Variants in TP63 observed in about 807,000 individuals in gnomAD.
TP63 encodes tumor protein 63.
A neutral mutation model predicts 82.8 loss-of-function variants in TP63; 17 were observed. The ratio of observed to expected loss-of-function variants is 0.21; its 90% CI spans 0.14 to 0.31. TP63 has a LOEUF of 0.31. TP63 is among the 10% of genes least tolerant of loss of function. The pLI, the probability that TP63 is intolerant of heterozygous loss-of-function variation, is 1.00. For synonymous variants in TP63, 330 were observed against 321.7 expected, an observed-to-expected ratio of 1.03 and a Z score of -0.28; for missense variants, 648 against 895.3, an observed-to-expected ratio of 0.72 and a Z score of 3.52.
the TP63 span, among the ~76,000 whole-genome samples, chr3:189,599,635 G>A: frequency 1.3e-5 from 2 of 152,174 alleles, no homozygotes; most frequent in African/African-American, 4.8e-5. Flanking sequence ...TTTCTTCTAT[G>A]AGCAGTTGTC....
At chr3:189,862,447 A>G (rs958570840) in intron 4 of TP63, among the ~76,000 whole-genome samples, 2 of 152,146 alleles carry the variant, frequency 1.3e-5, no homozygotes, top group African/African-American at 4.8e-5. Flanking sequence ...GATTTATAGT[A>G]TATCAGTTAT....
At chr3:189,819,247 G>A (rs765586401) in intron 4 of TP63, among the ~76,000 whole-genome samples, 3 of 152,002 alleles carry the variant, frequency 2.0e-5, no homozygotes, top group Non-Finnish European at 4.4e-5. Flanking sequence ...TCCCACCCAG[G>A]CTGTGTTGAA....
chr3:189,818,151 A>C (rs1577026958), intron 4 of TP63, among the ~76,000 whole-genome samples: 1 of 151,876 alleles, frequency 6.6e-6, no homozygotes, highest in East Asian at 1.9e-4. Flanking sequence ...ATGTATATAG[A>C]GCCCTGGAGT....
chr3:189,719,392 T>A (rs889497263), intron 1 of TP63, among the ~76,000 whole-genome samples: 1 of 152,204 alleles, frequency 6.6e-6, no homozygotes, highest in Non-Finnish European at 1.5e-5. Context: ...CCATATTCAC[T>A]CTTTCATATC....
chr3:189,627,368 G>A (rs2108597998), upstream of TP63, among the ~76,000 whole-genome samples: 1 of 152,194 alleles, frequency 6.6e-6, no homozygotes, highest in South Asian at 2.1e-4. Context: ...GTGAATTACT[G>A]ATACAGTTGA....
At position 189,875,613 on chromosome 3, in the gene TP63, T is replaced by TATATATAC. The variant is rs1553859699; in HGVS notation, c.1349+2625_1349+2626insCATATATA. Among the ~76,000 whole-genome samples, 6 of 105,506 alleles carry TATATATAC rather than the reference T, an allele frequency of 5.7e-5. 1 individual carries two copies. The highest frequency in any genetic ancestry group is 2.4e-4 in the African/African-American group (6 of 24,880). 69.2% of individuals were successfully genotyped at this position (105,506 alleles called of 152,430 possible). A position where few individuals can be genotyped will look rare whatever the true frequency, so the allele number is the denominator to read the frequency against. ...ACATACATATATATATATATATATATATATATATATATATATATATATATA... is the reference window on the plus strand; with the variant it reads ...ACATACATATATATATATATATATATATATATACATATATATATATATATATATATATA... On this transcript the variant is annotated intron_variant, in intron 10 of 13. Coordinates refer to ENST00000264731, the MANE Select transcript of TP63 (RefSeq NM_003722.5).
chr3:189,891,239 A>G (rs1411257749), intron 13 of TP63, among the ~76,000 whole-genome samples: 1 of 152,228 alleles, frequency 6.6e-6, no homozygotes, highest in Non-Finnish European at 1.5e-5. Flanking sequence ...CAGTTCCCAG[A>G]AAGGATAGCA....
chr3:189,791,722 C>G (rs1259641867), intron 3 of TP63, among the ~76,000 whole-genome samples: 1 of 152,088 alleles, frequency 6.6e-6, no homozygotes, highest in Non-Finnish European at 1.5e-5. Flanking sequence ...AATTTCATGG[C>G]TTGACTTCCA....
At chr3:189,627,983 CAT>C (rs1218198334), upstream of TP63, among the ~76,000 whole-genome samples, 1 of 152,050 alleles carries the variant, frequency 6.6e-6, no homozygotes, top group Non-Finnish European at 1.5e-5. Context: ...AATACATAAA[CAT>C]GTTATTCATC....
chr3:189,808,009 A>T lies in TP63; in HGVS notation c.325-263A>T, dbSNP rs1404528338. ...TAGTTTGTGAATAAGCATATACTCTACTTTCAAATGCTCTGTAGGAAGTCA... is the reference window on the plus strand; with the variant it reads ...TAGTTTGTGAATAAGCATATACTCTTCTTTCAAATGCTCTGTAGGAAGTCA... On this transcript the variant is annotated intron_variant, in intron 3 of 13. Transcript: ENST00000264731. Among the ~76,000 whole-genome samples the T allele has an allele frequency of 4.6e-5, 7 of 152,156 alleles. No homozygotes were observed. In the South Asian group the frequency reaches 1.4e-3, roughly 32 times the overall value.
intron 10 of TP63, among the ~76,000 whole-genome samples, chr3:189,877,308 T>C (rs902382594): frequency 1.3e-5 from 2 of 152,228 alleles, no homozygotes; most frequent in Non-Finnish European, 2.9e-5. Flanking sequence ...CTTCTTGCCA[T>C]CCTATTATCA....
intron 1 of TP63, among the ~76,000 whole-genome samples, chr3:189,719,563 A>G (rs1037323143): frequency 9.9e-5 from 15 of 152,278 alleles, no homozygotes; most frequent in Admixed American, 3.3e-4. Context: ...TTTTTCTGTA[A>G]AAAAATCAGA....
In TP63 at chr3:189,895,922, G is replaced by T. The variant is rs1239586523; in HGVS notation, c.*1420G>T. 4 of 228,270 alleles carry T rather than the reference G, an allele frequency of 1.8e-5. No homozygotes were observed. The highest frequency in any genetic ancestry group is 3.5e-5 in the Non-Finnish European group (4 of 115,018). 14.1% of individuals were successfully genotyped at this position (228,270 alleles called of 1,614,324 possible). A position where few individuals can be genotyped will look rare whatever the true frequency, so the allele number is the denominator to read the frequency against. ...GTTGGAAAGTAACTGTGAGAACCCA[G>T]TTTCCCGTCCATCTCCCTTAGGGAC... On this transcript the variant is annotated 3_prime_UTR_variant, in exon 14 of 14. Transcript: ENST00000264731.
the TP63 span, among the ~76,000 whole-genome samples, chr3:189,619,528 A>G: frequency 6.6e-6 from 1 of 152,200 alleles, no homozygotes. Context: ...GTTTTTGCAA[A>G]GAGGGCCTTG....
intron 4 of TP63, among the ~76,000 whole-genome samples, chr3:189,851,387 C>T (rs1404275608): frequency 3.9e-5 from 6 of 152,024 alleles, no homozygotes; most frequent in Non-Finnish European, 7.4e-5. Context: ...TGGGGGAAAC[C>T]CCGTCTCTGC....
At chr3:189,703,295 G>T (rs1404771957) in intron 1 of TP63, among the ~76,000 whole-genome samples, 2 of 152,188 alleles carry the variant, frequency 1.3e-5, no homozygotes, top group South Asian at 4.1e-4. Flanking sequence ...TTAGCTGGTC[G>T]TGGGGGCATG....
chr3:189,624,394 CAA>C, the TP63 span, among the ~76,000 whole-genome samples: 1 of 151,992 alleles, frequency 6.6e-6, no homozygotes, highest in African/African-American at 2.4e-5. Flanking sequence ...CATTTTAGAA[CAA>C]AGTGATTTTA....
chr3:189,819,995 C>T (rs947206806), intron 4 of TP63, among the ~76,000 whole-genome samples: 7 of 152,104 alleles, frequency 4.6e-5, no homozygotes, highest in African/African-American at 7.2e-5. Context: ...GTGATCCACC[C>T]GCCTCGGCCT....
intron 1 of TP63, among the ~76,000 whole-genome samples, chr3:189,699,703 A>G (rs1392914403): frequency 6.6e-6 from 1 of 152,186 alleles, no homozygotes; most frequent in Non-Finnish European, 1.5e-5. Context: ...GAAACTATAA[A>G]TCTAGATATC....
Sources: gnomAD v4.1 joint callset for allele counts (sites outside exome capture counted in the v4.1 genomes callset) on GRCh38, gnomAD v4.1.1 for gene constraint, MANE v1.5 for transcripts, NCBI Gene and HGNC (gene_info 2026-07-23, HGNC 2026-07-21) for gene names.